EXT1: variants seen among roughly 807,000 people sequenced by gnomAD.
EXT1 encodes the protein exostosin-1.
EXT1 carries 20 observed loss-of-function variants against 82.5 expected under a neutral mutation model. That is an observed-to-expected ratio of 0.24 (90% CI 0.17 to 0.35). The LOEUF is 0.35. EXT1 is among the 10% of genes least tolerant of loss of function. The pLI is 1.00. For missense variants in EXT1, 757 were observed against 936.5 expected, an observed-to-expected ratio of 0.81 and a Z score of 2.50; for synonymous variants, 348 against 350.8, an observed-to-expected ratio of 0.99 and a Z score of 0.09.
chr8:118,048,401 G>T (rs897054841), intron 1 of EXT1, among the ~76,000 whole-genome samples: 2 of 152,160 alleles, frequency 1.3e-5, no homozygotes, highest in African/African-American at 2.4e-5. Context: ...CCATGTTATA[G>T]GCTTCAAAAG....
Position 118,111,354 on chromosome 8 carries a change from G to A in EXT1, c.-308C>T. The A allele has an allele frequency of 1.8e-6, 1 of 559,322 alleles. No individual in the cohort carries two copies. The highest frequency in any genetic ancestry group is 1.9e-5 in the African/African-American group (1 of 53,192). 34.6% of individuals were successfully genotyped at this position (559,322 alleles called of 1,614,324 possible). A position where few individuals can be genotyped will look rare whatever the true frequency, so the allele number is the denominator to read the frequency against. On this transcript the variant is annotated 5_prime_UTR_variant, in exon 1 of 11. Transcript: ENST00000378204. The stretch of plus-strand genomic sequence containing the variant: ...TAATTTTCTTGCATGCAACAAGACG[G>A]AGGAAAAGAAAGAGAGAGGGGAGAA...
chr8:117,994,929 G>A (rs1439698823), intron 1 of EXT1, among the ~76,000 whole-genome samples: 1 of 152,146 alleles, frequency 6.6e-6, no homozygotes, highest in Non-Finnish European at 1.5e-5. Flanking sequence ...ACGTTAATTT[G>A]CAACTGAGTA....
chr8:118,030,771 C>T (rs1244653068), intron 1 of EXT1, among the ~76,000 whole-genome samples: 1 of 152,142 alleles, frequency 6.6e-6, no homozygotes, highest in Non-Finnish European at 1.5e-5. Flanking sequence ...CATGAACCAC[C>T]GTGCCTGGCC....
chr8:118,076,912 G>T lies in EXT1; in HGVS notation c.962+33173C>A, dbSNP rs3757990. 1.7e-4 allele frequency among the ~76,000 whole-genome samples: 17 copies of T among 98,114 alleles called. No individual in the cohort carries two copies. The East Asian group carries it at 2.0e-3, about 12-fold the overall frequency. 64.4% of individuals were successfully genotyped at this position (98,114 alleles called of 152,430 possible). On this transcript the variant is annotated intron_variant, in intron 1 of 10. Coordinates refer to ENST00000378204, the MANE Select transcript of EXT1 (RefSeq NM_000127.3). ...AATAATAAAATATTTCTTTTTTGTT[G>T]TTTTTTTGAAATGCTTGGAAAGCAA... is the stretch of plus-strand genomic sequence containing the variant.
rs146967463 is a variant in EXT1 at position 117,807,287 on chromosome 8, G to A, written c.1813C>T (p.Arg605Trp). Residue 605 changes from arginine (R) to tryptophan (W), a missense_variant, in exon 9 of 11, where the codon CGG becomes TGG. By Grantham distance (101) the Arg-to-Trp change is moderately radical. This residue lies in a region of EXT1 where 128 missense variants were observed against 223.2 expected (regional missense o/e 0.57). Transcript: ENST00000378204. ...GTCCACTTTGATGTGTATCCCCACC[G>A]CTCCTTAGAGTTATCCCAGAAGTGG... is the stretch of plus-strand genomic sequence containing the variant. ...RSHFWDNSKE[R>W]WGYTSKWTND... The A allele has an allele frequency of 6.8e-6, 11 of 1,613,990 alleles. No individual in the cohort carries two copies. The highest frequency in any genetic ancestry group is 2.2e-5 in the East Asian group (1 of 44,892).
Position 117,901,807 on chromosome 8 carries a change from C to T in EXT1, c.963-64606G>A, listed in dbSNP as rs17453015. 4.2e-3 allele frequency among the ~76,000 whole-genome samples: 633 copies of T among 152,222 alleles called. 3 individuals are homozygous for T. Among genetic ancestry groups the T allele is most frequent in the Non-Finnish European group, 4.7e-3 (319 of 68,008 alleles). ...GACCTCCCAGGCTCAGGTGATCCTC[C>T]TACCTCAGCCTCCCAGGGAGCTTGG... is the stretch of plus-strand genomic sequence containing the variant. On this transcript the variant is annotated intron_variant, in intron 1 of 10. Transcript: ENST00000378204.
chr8:118,014,477 G>T (rs1244515774), intron 1 of EXT1, among the ~76,000 whole-genome samples: 1 of 152,110 alleles, frequency 6.6e-6, no homozygotes, highest in Non-Finnish European at 1.5e-5. Flanking sequence ...TTAAAATGTG[G>T]TCTGAGAATG....
At chr8:117,868,315 T>C (rs990754500) in intron 1 of EXT1, among the ~76,000 whole-genome samples, 1 of 152,218 alleles carries the variant, frequency 6.6e-6, no homozygotes, top group African/African-American at 2.4e-5. Context: ...TCACCACTCC[T>C]AGGGTGCAGC....
At chr8:118,015,877 CAGAG>C (rs1442482257) in intron 1 of EXT1, among the ~76,000 whole-genome samples, 1 of 152,168 alleles carries the variant, frequency 6.6e-6, no homozygotes, top group African/African-American at 2.4e-5. Flanking sequence ...CATGTGAAGA[CAGAG>C]AGAGATGCAC....
intron 1 of EXT1, among the ~76,000 whole-genome samples, chr8:117,966,235 C>T (rs1436930002): frequency 6.6e-5 from 10 of 152,184 alleles, no homozygotes; most frequent in South Asian, 4.1e-4. Context: ...CATTCCAAAA[C>T]GAGGATTCTT....
intron 1 of EXT1, among the ~76,000 whole-genome samples, chr8:117,866,813 A>AG (rs1812781437): frequency 1.3e-5 from 2 of 151,936 alleles, no homozygotes; most frequent in Admixed American, 1.3e-4. Context: ...AAAAAAAAAA[A>AG]AATGAAGTGC....
At chr8:117,979,802 A>G (rs1177030391) in intron 1 of EXT1, among the ~76,000 whole-genome samples, 2 of 152,222 alleles carry the variant, frequency 1.3e-5, no homozygotes, top group Non-Finnish European at 2.9e-5. Context: ...AAATATCCAT[A>G]CAAGACAGCA....
chr8:117,993,064 C>A (rs746036019), intron 1 of EXT1, among the ~76,000 whole-genome samples: 1 of 152,100 alleles, frequency 6.6e-6, no homozygotes, highest in Non-Finnish European at 1.5e-5. Context: ...ATGTTTTCTG[C>A]AGATAACTTG....
intron 1 of EXT1, among the ~76,000 whole-genome samples, chr8:117,928,486 G>A (rs1226339752): frequency 6.6e-6 from 1 of 152,166 alleles, no homozygotes; most frequent in Non-Finnish European, 1.5e-5. Flanking sequence ...TCCTTAACAA[G>A]CTTCAAACTT....
intron 8 of EXT1, among the ~76,000 whole-genome samples, chr8:117,812,105 T>C (rs1218177408): frequency 6.6e-6 from 1 of 152,216 alleles, no homozygotes; most frequent in Admixed American, 6.5e-5. Flanking sequence ...AAGGTGTAAG[T>C]AGTTACGTCT....
chr8:117,895,905 C>T (rs1813327190), intron 1 of EXT1, among the ~76,000 whole-genome samples: 1 of 152,204 alleles, frequency 6.6e-6, no homozygotes, highest in Non-Finnish European at 1.5e-5. Context: ...CTTCCAGCAG[C>T]CCACATGCAG....
At chr8:117,976,914 C>T (rs1287707931) in intron 1 of EXT1, among the ~76,000 whole-genome samples, 5 of 151,948 alleles carry the variant, frequency 3.3e-5, no homozygotes, top group Admixed American at 6.6e-5. Context: ...GATGTCAGGG[C>T]GTTGGTATCC....
At chr8:117,963,493 T>A (rs1209260683) in intron 1 of EXT1, among the ~76,000 whole-genome samples, 1 of 152,148 alleles carries the variant, frequency 6.6e-6, no homozygotes, top group African/African-American at 2.4e-5. Flanking sequence ...GTTTTTCATT[T>A]TTTTATTTTA....
At chr8:118,085,204 A>C (rs1173406140) in intron 1 of EXT1, among the ~76,000 whole-genome samples, 1 of 152,232 alleles carries the variant, frequency 6.6e-6, no homozygotes, top group Non-Finnish European at 1.5e-5. Flanking sequence ...AAGGATGCTG[A>C]GGTTATTAAA....
Sources: allele counts gnomAD v4.1 joint callset (sites outside exome capture counted in the v4.1 genomes callset), GRCh38; gene constraint gnomAD v4.1.1; regional missense constraint gnomAD v4.1.1; transcripts MANE v1.5; gene names NCBI Gene and HGNC (gene_info 2026-07-23, HGNC 2026-07-21).